CSMD3: variants seen among roughly 807,000 people sequenced by gnomAD.
The protein encoded by CSMD3 is CUB and sushi domain-containing protein 3.
A neutral mutation model predicts 435.2 loss-of-function variants in CSMD3; 177 were observed. That is an observed-to-expected ratio of 0.41 (90% CI 0.36 to 0.46). The LOEUF is 0.46. Ranked by LOEUF, CSMD3 falls within the 20% of genes least tolerant of loss-of-function variation. The pLI is 0.34. For missense variants in CSMD3, 4,265 were observed against 4,504.6 expected (o/e 0.95, Z 1.52); for synonymous variants, 1,656 against 1,520.5 (o/e 1.09, Z -2.07).
intron 1 of CSMD3, among the ~76,000 whole-genome samples, chr8:113,404,274 T>A (rs2094522723): frequency 6.6e-6 from 1 of 151,372 alleles, no homozygotes; most frequent in South Asian, 2.1e-4. Context: ...GCATTACTGT[T>A]CACTATGGCT....
At chr8:112,654,533 T>C (rs1471209695) in intron 18 of CSMD3, among the ~76,000 whole-genome samples, 1 of 152,204 alleles carries the variant, frequency 6.6e-6, no homozygotes, top group African/African-American at 2.4e-5. Context: ...TTTAAGGCAC[T>C]AGCCCTCGAA....
Position 112,227,815 on chromosome 8 carries a change from G to A in CSMD3, c.10964+941C>T, listed in dbSNP as rs138851449. Among the ~76,000 whole-genome samples the A allele has an allele frequency of 3.3e-3, 498 of 152,200 alleles. 4 individuals carry two copies. Among genetic ancestry groups the A allele is most frequent in the African/African-American group, 0.012 (485 of 41,524 alleles). On this transcript the variant is annotated intron_variant, in intron 70 of 70. Transcript: ENST00000297405. ...CCCAGCACTTTGGGACGCCGAGGCGGGCGGATCACGAGGTCAGGAGATCGA... is the reference window on the plus strand; with the variant it reads ...CCCAGCACTTTGGGACGCCGAGGCGAGCGGATCACGAGGTCAGGAGATCGA...
At chr8:112,804,100 C>T (rs1193988373) in intron 12 of CSMD3, among the ~76,000 whole-genome samples, 2 of 152,106 alleles carry the variant, frequency 1.3e-5, no homozygotes, top group Non-Finnish European at 2.9e-5. Flanking sequence ...ATGGTGTATC[C>T]GAAAGACAAG....
chr8:112,281,047 C>G, intron 59 of CSMD3, 127 bp downstream of exon 59: 1 of 728,514 alleles, frequency 1.4e-6, no homozygotes, highest in South Asian at 1.7e-5. Context: ...ATCCTTTAAT[C>G]TGAAAGGCAG....
intron 3 of CSMD3, among the ~76,000 whole-genome samples, chr8:113,265,315 T>C (rs1377913186): frequency 6.6e-6 from 1 of 151,472 alleles, no homozygotes; most frequent in Non-Finnish European, 1.5e-5. Flanking sequence ...AAAAATAGCC[T>C]GGGTTAAGAC....
intron 16 of CSMD3, among the ~76,000 whole-genome samples, chr8:112,678,811 A>G (rs574002210): frequency 6.6e-6 from 1 of 152,262 alleles, no homozygotes; most frequent in East Asian, 1.9e-4. Flanking sequence ...GTACCTTTAA[A>G]AAGTTATTCT....
chr8:112,487,572 G>C (rs1038875435), intron 31 of CSMD3, among the ~76,000 whole-genome samples: 2 of 152,138 alleles, frequency 1.3e-5, no homozygotes, highest in African/African-American at 4.8e-5. Flanking sequence ...GGTGGATTTT[G>C]AGTAAATATG....
At chr8:113,296,551 A>G (rs2093723530) in intron 2 of CSMD3, among the ~76,000 whole-genome samples, 1 of 152,104 alleles carries the variant, frequency 6.6e-6, no homozygotes, top group Non-Finnish European at 1.5e-5. Flanking sequence ...ACAAACAAAC[A>G]AAACAGAAAG....
At chr8:112,924,041 T>C (rs2082830752) in intron 9 of CSMD3, among the ~76,000 whole-genome samples, 1 of 152,108 alleles carries the variant, frequency 6.6e-6, no homozygotes, top group African/African-American at 2.4e-5. Flanking sequence ...GAGGGGTATG[T>C]GAAATTAAGT....
chr8:112,402,433 T>C (rs879780996), intron 35 of CSMD3, among the ~76,000 whole-genome samples: 4 of 152,194 alleles, frequency 2.6e-5, no homozygotes, highest in Non-Finnish European at 4.4e-5. Flanking sequence ...TCTTGGCATA[T>C]GTAGGTTCTT....
At chr8:113,407,445 G>T (rs1367971386) in intron 1 of CSMD3, among the ~76,000 whole-genome samples, 1 of 152,006 alleles carries the variant, frequency 6.6e-6, no homozygotes, top group African/African-American at 2.4e-5. Flanking sequence ...ATAATGTCTG[G>T]ACATCTTTGC....
At chr8:112,449,116 G>C (rs1237592613) in intron 32 of CSMD3, among the ~76,000 whole-genome samples, 1 of 152,146 alleles carries the variant, frequency 6.6e-6, no homozygotes, top group Admixed American at 6.5e-5. Flanking sequence ...GGGTGAGAAT[G>C]GTTCTATATC....
intron 5 of CSMD3, among the ~76,000 whole-genome samples, chr8:113,026,627 T>C (rs1267712233): frequency 1.9e-4 from 29 of 152,240 alleles, no homozygotes; most frequent in Admixed American, 1.8e-3. Context: ...TACTGTCTTA[T>C]ATATGTCAAG....
At chr8:112,857,205 G>C (rs2080686136) in intron 11 of CSMD3, among the ~76,000 whole-genome samples, 1 of 151,468 alleles carries the variant, frequency 6.6e-6, no homozygotes, top group African/African-American at 2.4e-5. Context: ...TCTTAAAAAA[G>C]TTAACCTAAC....
chr8:112,357,191 T>G (rs1271553555), intron 38 of CSMD3, among the ~76,000 whole-genome samples: 4 of 152,082 alleles, frequency 2.6e-5, no homozygotes, highest in Admixed American at 6.5e-5. Context: ...AGGAACTTGT[T>G]GGGAACTGAA....
chr8:113,202,005 G>A, intron 3 of CSMD3, among the ~76,000 whole-genome samples: 1 of 152,008 alleles, frequency 6.6e-6, no homozygotes, highest in East Asian at 1.9e-4. Flanking sequence ...TACTAAAACA[G>A]AGCCACAAAG....
intron 29 of CSMD3, 48 bp downstream of exon 29, chr8:112,506,643 C>G (rs1822553717): frequency 6.3e-7 from 1 of 1,586,742 alleles, no homozygotes; most frequent in African/African-American, 1.3e-5. Flanking sequence ...AGCAAAATGG[C>G]CTAACAATAT....
chr8:112,809,974 G>C (rs1034707296), intron 12 of CSMD3, among the ~76,000 whole-genome samples: 1 of 152,068 alleles, frequency 6.6e-6, no homozygotes, highest in Admixed American at 6.6e-5. Flanking sequence ...CAATTGAAAC[G>C]CAGATGGTCT....
At chr8:112,887,144 A>AGT in intron 10 of CSMD3, among the ~76,000 whole-genome samples, 1 of 151,316 alleles carries the variant, frequency 6.6e-6, no homozygotes, top group South Asian at 2.1e-4. Flanking sequence ...ATACAGTTAA[A>AGT]GCTCACCTAT....
Sources: gnomAD v4.1 joint callset for allele counts (sites outside exome capture counted in the v4.1 genomes callset) on GRCh38, gnomAD v4.1.1 for gene constraint, MANE v1.5 for transcripts, NCBI Gene and HGNC (gene_info 2026-07-23, HGNC 2026-07-21) for gene names.